CLP1: variants seen among roughly 807,000 people sequenced by gnomAD.
CLP1 encodes cleavage factor polyribonucleotide kinase subunit 1, also known as polyribonucleotide 5'-hydroxyl-kinase Clp1.
In CLP1, 18 loss-of-function variants were observed where a neutral mutation model predicts 29.9. The ratio of observed to expected loss-of-function variants is 0.60; its 90% CI spans 0.42 to 0.89. The LOEUF is 0.89. CLP1 is among the 40% of genes least tolerant of loss of function. The pLI, the probability that CLP1 is intolerant of heterozygous loss-of-function variation, is 0.00. For missense variants in CLP1, 357 were observed against 544.8 expected (o/e 0.66, Z 3.43); for synonymous variants, 162 against 206.2 (o/e 0.79, Z 1.84).
In CLP1 at chr11:57,660,989, G is replaced by T; in HGVS notation, c.831G>T (p.Val277=). ...KRDLPHFVRT[V]LLPKSGGVVE... ...ACCTCCCCCACTTTGTACGCACTGT[G>T]CTGCTCCCTAAATCTGGGGGTGTGG... The change falls in exon 3 of 3, where the codon GTG becomes GTT. Residue 277 remains valine (V), a synonymous_variant. Coordinates refer to ENST00000533682, the MANE Select transcript of CLP1 (RefSeq NM_006831.3). The T allele has an allele frequency of 6.2e-7, 1 of 1,614,226 alleles. No individual in the cohort carries two copies. The highest frequency in any genetic ancestry group is 8.5e-7 in the Non-Finnish European group (1 of 1,180,048).
chr11:57,660,224 C>A, intron 2 of CLP1, 142 bp downstream of exon 2: 1 of 890,484 alleles, frequency 1.1e-6, no homozygotes, highest in Non-Finnish European at 1.6e-6. Context: ...ATATGTCAGT[C>A]TCAGATTGTT....
In CLP1 at chr11:57,659,641, C is replaced by A; in HGVS notation, c.165C>A (p.Phe55Leu). Reference sequence around the variant, plus strand: ...CAGAGCTGACCCGAAACAAGAAATTCACCTTTGATGCTGGTGCCAAGGTGG... The same window carrying A: ...CAGAGCTGACCCGAAACAAGAAATTAACCTTTGATGCTGGTGCCAAGGTGG... ...FGTELTRNKK[F>L]TFDAGAKVAV... The change falls in exon 2 of 3, where the codon TTC becomes TTA. Residue 55 changes from phenylalanine to leucine, a missense_variant. By Grantham distance (22) the Phe-to-Leu change is conservative. Coordinates refer to ENST00000533682, the MANE Select transcript of CLP1 (RefSeq NM_006831.3). 6.2e-7 allele frequency: 1 copy of A among 1,614,094 alleles called. No homozygotes were observed. Among genetic ancestry groups the A allele is most frequent in the Non-Finnish European group, 8.5e-7 (1 of 1,180,016 alleles).
At chr11:57,658,208 T>C (rs559158440) in intron 1 of CLP1, among the ~76,000 whole-genome samples, 1 of 152,354 alleles carries the variant, frequency 6.6e-6, no homozygotes, top group South Asian at 2.1e-4. Context: ...AGGATTAGGC[T>C]GTTTTCTGAG....
At chr11:57,658,671 C>T (rs1945844647) in intron 1 of CLP1, among the ~76,000 whole-genome samples, 1 of 151,674 alleles carries the variant, frequency 6.6e-6, no homozygotes, top group Non-Finnish European at 1.5e-5. Context: ...GGTCTGTCAC[C>T]CAGGCGGGAG....
At position 57,660,941 on chromosome 11, in the gene CLP1, A is replaced by G; in HGVS notation, c.783A>G (p.Arg261=). ...TCGTTGTTGTTCTGGATCAAGAACG[A>G]CTGTACAATGAACTGAAACGGGACC... The part of the protein sequence containing the change: ...VDVVVVLDQE[R]LYNELKRDLP... Residue 261 remains arginine, a synonymous_variant, in exon 3 of 3, where the codon CGA becomes CGG. Transcript: ENST00000533682. 1 of 1,614,192 alleles carries G rather than the reference A, an allele frequency of 6.2e-7. No individual in the cohort carries two copies. Among genetic ancestry groups the G allele is most frequent in the Non-Finnish European group, 8.5e-7 (1 of 1,180,042 alleles).
Position 57,660,861 on chromosome 11 carries a change from A to T in CLP1, c.703A>T (p.Lys235Ter). 1.2e-6 allele frequency: 2 copies of T among 1,614,158 alleles called. No individual in the cohort carries two copies. Among genetic ancestry groups the T allele is most frequent in the East Asian group, 4.5e-5 (2 of 44,878 alleles). ...TGTCATTAACACCTGTGGCTGGGTC[A>T]AGGGCTCTGGTTACCAGGCTCTGGT... ...GCVINTCGWV[K>*]GSGYQALVHA... The change falls in exon 3 of 3, where the codon AAG becomes TAG. Residue 235 changes from lysine to a stop codon, truncating the protein, a stop_gained. Coordinates refer to ENST00000533682, the MANE Select transcript of CLP1 (RefSeq NM_006831.3). LOFTEE classifies it high-confidence loss of function.
Position 57,661,524 on chromosome 11 carries a change from GC to G in CLP1, c.*90del. 1.8e-6 allele frequency: 2 copies of G among 1,107,732 alleles called. No homozygotes were observed. The highest frequency in any genetic ancestry group is 2.6e-6 in the Non-Finnish European group (2 of 767,700). 68.6% of individuals were successfully genotyped at this position (1,107,732 alleles called of 1,614,324 possible). The stretch of plus-strand genomic sequence containing the variant: ...TGGGCTGAGATAAAAGACTGTTGGG[GC>G]CACCTGACCAGTAAACTGTGGACTA... On this transcript the variant is annotated 3_prime_UTR_variant, in exon 3 of 3. Transcript: ENST00000533682.
Position 57,660,751 on chromosome 11 carries a change from CCT to C in CLP1, c.607-9_607-8del, listed in dbSNP as rs781351050. 2 of 1,556,358 alleles carry C rather than the reference CCT, an allele frequency of 1.3e-6. No individual in the cohort carries two copies. The highest frequency in any genetic ancestry group is 2.4e-5 in the South Asian group (2 of 82,022). On this transcript the variant is annotated splice_polypyrimidine_tract_variant and intron_variant, in intron 2 of 2. Coordinates refer to ENST00000533682, the MANE Select transcript of CLP1 (RefSeq NM_006831.3). ...TGGGTGTTTTTGTTCTTACCTTGAT[CCT>C]CTCTTTTGCAGATTACATCTCGTTT... is the stretch of plus-strand genomic sequence containing the variant.
rs750597122 is a variant in CLP1 at position 57,659,998 on chromosome 11, C to T, written c.522C>T (p.Val174=). The change falls in exon 2 of 3, where the codon GTC becomes GTT. Residue 174 remains valine (V), a synonymous_variant. Coordinates refer to ENST00000533682, the MANE Select transcript of CLP1 (RefSeq NM_006831.3). The part of the protein sequence containing the change: ...GALYIERPAD[V]EEGFSIQAPL... ...TCTACATCGAGCGGCCTGCAGATGT[C>T]GAAGAGGGTTTCTCTATCCAGGCCC... 26 of 1,613,060 alleles carry T rather than the reference C, an allele frequency of 1.6e-5. No homozygotes were observed. Among genetic ancestry groups the T allele is most frequent in the Admixed American group, 5.0e-5 (3 of 59,830 alleles).
chr11:57,660,664 T>A, intron 2 of CLP1, 101 bp from the exon 3 acceptor site: 1 of 1,035,024 alleles, frequency 9.7e-7, no homozygotes, highest in East Asian at 2.5e-5. Context: ...AAAAAAAAAA[T>A]CATTTTTCTT....
chr11:57,661,849 A>AT lies in CLP1; in HGVS notation c.*418dup. 1 of 196,144 alleles carries AT rather than the reference A, an allele frequency of 5.1e-6. No homozygotes were observed. Among genetic ancestry groups the AT allele is most frequent in the Non-Finnish European group, 1.1e-5 (1 of 95,030 alleles). The allele number at this position is 196,144 out of a possible 1,614,324, so 12.2% of individuals were successfully genotyped here. A position where few individuals can be genotyped will look rare whatever the true frequency, so the allele number is the denominator to read the frequency against. On this transcript the variant is annotated 3_prime_UTR_variant, in exon 3 of 3. Transcript: ENST00000533682. The stretch of plus-strand genomic sequence containing the variant: ...CTTAAAAAAAATCATTTTAATAAAT[A>AT]TTTTTGCCATATCATAGAAGTTGGT...
At chr11:57,660,186 C>G in intron 2 of CLP1, 104 bp downstream of exon 2, 11 of 1,245,710 alleles carry the variant, frequency 8.8e-6, no homozygotes, top group Non-Finnish European at 1.2e-5. Context: ...GGTATTTCTG[C>G]TGCATTACTT....
At position 57,659,646 on chromosome 11, in the gene CLP1, T is replaced by G. The variant is rs1945855207; in HGVS notation, c.170T>G (p.Phe57Cys). 6.2e-7 allele frequency: 1 copy of G among 1,613,978 alleles called. No homozygotes were observed. The highest frequency in any genetic ancestry group is 1.1e-5 in the South Asian group (1 of 91,082). ...TELTRNKKFT[F>C]DAGAKVAVFT... ...CTGACCCGAAACAAGAAATTCACCT[T>G]TGATGCTGGTGCCAAGGTGGCTGTT... Residue 57 changes from phenylalanine to cysteine, a missense_variant, in exon 2 of 3, where the codon TTT becomes TGT. Physicochemically the swap from Phe to Cys is radical, Grantham distance 205 (BLOSUM62 -2). Coordinates refer to ENST00000533682, the MANE Select transcript of CLP1 (RefSeq NM_006831.3).
intron 2 of CLP1, among the ~76,000 whole-genome samples, chr11:57,660,334 T>C (rs1945862963): frequency 6.6e-6 from 1 of 152,206 alleles, no homozygotes; most frequent in Non-Finnish European, 1.5e-5. Context: ...ATCCATGTTA[T>C]GGTATCAAAA....
Position 57,659,492 on chromosome 11 carries a change from A to G in CLP1, c.16A>G (p.Asn6Asp), listed in dbSNP as rs936352775. 1.2e-6 allele frequency: 2 copies of G among 1,614,164 alleles called. No homozygotes were observed. The highest frequency in any genetic ancestry group is 2.7e-5 in the African/African-American group (2 of 75,048). The change falls in exon 2 of 3, where the codon AAT (asparagine) becomes GAT (aspartate). Residue 6 changes from asparagine (N) to aspartate (D), a missense_variant. Coordinates refer to ENST00000533682, the MANE Select transcript of CLP1 (RefSeq NM_006831.3). MGEEA[N>D]DDKKPTTKFE... The stretch of plus-strand genomic sequence containing the variant: ...CACAGAAGAGATGGGAGAAGAGGCT[A>G]ATGATGACAAGAAGCCAACCACTAA...
rs1488090310 is a variant in CLP1, at chr11:57,661,044, T to C, written c.886T>C (p.Cys296Arg). 4 of 1,614,220 alleles carry C rather than the reference T, an allele frequency of 2.5e-6. No homozygotes were observed. The highest frequency in any genetic ancestry group is 3.4e-6 in the Non-Finnish European group (4 of 1,180,040). Residue 296 changes from cysteine to arginine, a missense_variant, in exon 3 of 3, where the codon TGT becomes CGT. Physicochemically the swap from Cys to Arg is radical, Grantham distance 180 (BLOSUM62 -3). Coordinates refer to ENST00000533682, the MANE Select transcript of CLP1 (RefSeq NM_006831.3). ...GCGCTCCAAGGACTTCCGGCGGGAA[T>C]GTAGGGATGAGCGTATCCGTGAGTA... ...VERSKDFRRECRDERIREYFY... is the reference protein window; with the variant it reads ...VERSKDFRRERRDERIREYFY...
chr11:57,659,426 T>A lies in CLP1; in HGVS notation c.-22-29T>A, dbSNP rs1024789542. On this transcript the variant is annotated intron_variant, in intron 1 of 2. Transcript: ENST00000533682. ...TTTGTAACAGAAGACTGACTTATAA[T>A]TAGATCTGATATTTAATTTGTGTTC... 4 of 1,602,210 alleles carry A rather than the reference T, an allele frequency of 2.5e-6. No homozygotes were observed. The African/African-American group carries it at 5.4e-5, about 22-fold the overall frequency.
chr11:57,659,981 G>A lies in CLP1; in HGVS notation c.505G>A (p.Glu169Lys). Residue 169 changes from glutamate (E) to lysine (K), a missense_variant, in exon 2 of 3, where the codon GAG (glutamate) becomes AAG (lysine). Physicochemically the swap from Glu to Lys is moderately conservative, Grantham distance 56. Transcript: ENST00000533682. ...IPGTMGALYI[E>K]RPADVEEGFS... is the part of the protein sequence containing the mutation. Reference sequence around the variant, plus strand: ...TGGTACCATGGGGGCCCTCTACATCGAGCGGCCTGCAGATGTCGAAGAGGG... The same window carrying A: ...TGGTACCATGGGGGCCCTCTACATCAAGCGGCCTGCAGATGTCGAAGAGGG... 1 of 1,613,620 alleles carries A rather than the reference G, an allele frequency of 6.2e-7. No homozygotes were observed. The highest frequency in any genetic ancestry group is 8.5e-7 in the Non-Finnish European group (1 of 1,179,806).
Position 57,659,721 on chromosome 11 carries a change from C to T in CLP1, c.245C>T (p.Ala82Val). 6.2e-7 allele frequency: 1 copy of T among 1,614,144 alleles called. No individual in the cohort carries two copies. ...SVQLSGRTEV[A>V]YVSKDTPMLL... ...CAACTGAGCGGCCGCACTGAGGTGGCTTATGTCTCCAAGGACACTCCTATG... is the reference window on the plus strand; with the variant it reads ...CAACTGAGCGGCCGCACTGAGGTGGTTTATGTCTCCAAGGACACTCCTATG... The change falls in exon 2 of 3, where the codon GCT becomes GTT. Residue 82 changes from alanine (A) to valine (V), a missense_variant. By Grantham distance (64) the Ala-to-Val change is moderately conservative. Transcript: ENST00000533682.
Sources: allele counts gnomAD v4.1 joint callset (sites outside exome capture counted in the v4.1 genomes callset), GRCh38; gene constraint gnomAD v4.1.1; transcripts MANE v1.5; gene names NCBI Gene and HGNC (gene_info 2026-07-23, HGNC 2026-07-21).